The following CSMD1 variants were observed in gnomAD, a reference collection of about 807,000 sequenced individuals.
CSMD1 encodes the protein CUB and Sushi multiple domains 1, also known as CUB and sushi domain-containing protein 1.
Under a neutral mutation model 417.5 loss-of-function variants are expected in CSMD1, and 213 were observed. That is an observed-to-expected ratio of 0.51 (90% CI 0.46 to 0.57). The LOEUF (loss-of-function observed/expected upper bound fraction) is 0.57, where lower values mean the gene tolerates loss of function less well. CSMD1 is among the 20% of genes least tolerant of loss of function. CSMD1 has a pLI of 0.00. For missense variants in CSMD1, 6,923 were observed against 4,529.7 expected, an observed-to-expected ratio of 1.53 and a Z score of -15.17; for synonymous variants, 2,862 against 1,736.8, an observed-to-expected ratio of 1.65 and a Z score of -16.11.
chr8:4,853,785 C>G (rs890253576), intron 1 of CSMD1, among the ~76,000 whole-genome samples: 1 of 152,188 alleles, frequency 6.6e-6, no homozygotes, highest in South Asian at 2.1e-4. Context: ...AGCAGCCACA[C>G]TGCACCCCAC....
chr8:3,809,702 C>T (rs1800954278), intron 5 of CSMD1, among the ~76,000 whole-genome samples: 1 of 152,146 alleles, frequency 6.6e-6, no homozygotes, highest in Non-Finnish European at 1.5e-5. Context: ...CTTCCAGAGA[C>T]ACTGCCACGA....
chr8:4,441,867 G>C lies in CSMD1; in HGVS notation c.303-21802C>G, dbSNP rs76558115. The stretch of plus-strand genomic sequence containing the variant: ...ATGAACGAAAATTCCAGAAAGATTT[G>C]AGTTATTTTAAAGTATGCTGCTACA... On this transcript the variant is annotated intron_variant, in intron 2 of 69. Transcript: ENST00000635120. Among the ~76,000 whole-genome samples, 583 of 152,200 alleles carry C rather than the reference G, an allele frequency of 3.8e-3. 31 individuals carry two copies. In the East Asian group the frequency reaches 0.1, roughly 26 times the overall value.
rs1554526440 is a variant in CSMD1 at position 4,312,449 on chromosome 8, A to ACG, written c.415+107502_415+107503dup. ...CGTATATATATATGCGTATATATAT[A>ACG]CGTATATATATGCGCGTATATATAT... On this transcript the variant is annotated intron_variant, in intron 3 of 69. Transcript: ENST00000635120. 6.5e-4 allele frequency among the ~76,000 whole-genome samples: 74 copies of ACG among 114,168 alleles called. 2 individuals are homozygous for ACG. The highest frequency in any genetic ancestry group is 3.6e-3 in the African/African-American group (65 of 18,068). The allele number at this position is 114,168 out of a possible 152,430, so 74.9% of individuals were successfully genotyped here.
intron 26 of CSMD1, among the ~76,000 whole-genome samples, chr8:3,269,516 T>C (rs1393297535): frequency 6.6e-6 from 1 of 152,234 alleles, no homozygotes; most frequent in Non-Finnish European, 1.5e-5. Context: ...TATTAAGTTA[T>C]CTTTCAATAA....
chr8:3,551,592 ATATATTTTTT>A (rs1402496363), intron 10 of CSMD1, among the ~76,000 whole-genome samples: 1,296 of 117,180 alleles, frequency 0.011, 20 homozygotes, highest in African/African-American at 0.043. Flanking sequence ...ATATATATAT[ATATATTTTTT>A]TTTTTTTTTT....
intron 26 of CSMD1, among the ~76,000 whole-genome samples, chr8:3,237,504 A>T (rs1799221989): frequency 6.8e-6 from 1 of 148,062 alleles, no homozygotes; most frequent in Non-Finnish European, 1.5e-5. Flanking sequence ...ATAAAAGTAT[A>T]TAATATTTTT....
rs142700211 is a variant in CSMD1, at chr8:3,627,473, C to T, written c.1010-10676G>A. 2.1e-3 allele frequency among the ~76,000 whole-genome samples: 315 copies of T among 152,112 alleles called. 3 individuals carry two copies. Among genetic ancestry groups the T allele is most frequent in the African/African-American group, 7.1e-3 (294 of 41,480 alleles). ...GAAGACTATGTAGGTTATTTAAAGT[C>T]GTGCTATTATTTTTATTTATATAAC... On this transcript the variant is annotated intron_variant, in intron 7 of 69. Coordinates refer to ENST00000635120, the MANE Select transcript of CSMD1 (RefSeq NM_033225.6).
At chr8:4,869,897 T>G (rs1802636793) in intron 1 of CSMD1, among the ~76,000 whole-genome samples, 1 of 152,072 alleles carries the variant, frequency 6.6e-6, no homozygotes, top group Admixed American at 6.5e-5. Flanking sequence ...AATGTTAGAT[T>G]TAAGAATTTT....
At chr8:4,019,177 C>G (rs1003769515) in intron 4 of CSMD1, among the ~76,000 whole-genome samples, 1 of 152,174 alleles carries the variant, frequency 6.6e-6, no homozygotes. Flanking sequence ...AGCAGCTCAA[C>G]AGTCCAAGAC....
chr8:4,178,403 A>G (rs1467830366), intron 3 of CSMD1, among the ~76,000 whole-genome samples: 1 of 151,030 alleles, frequency 6.6e-6, no homozygotes, highest in Non-Finnish European at 1.5e-5. Context: ...AAAACTCTCA[A>G]TAAATTAGGT....
At chr8:4,274,462 G>C (rs1389033865) in intron 3 of CSMD1, among the ~76,000 whole-genome samples, 2 of 152,124 alleles carry the variant, frequency 1.3e-5, no homozygotes, top group African/African-American at 4.8e-5. Flanking sequence ...CGTCAGCACA[G>C]TCGTAATGGC....
At chr8:3,585,406 A>G (rs868772518) in intron 9 of CSMD1, among the ~76,000 whole-genome samples, 1 of 152,220 alleles carries the variant, frequency 6.6e-6, no homozygotes, top group Middle Eastern at 3.2e-3. Context: ...ACCAGTTTAC[A>G]TAAATCATTT....
At chr8:4,209,748 C>T (rs1479320254) in intron 3 of CSMD1, among the ~76,000 whole-genome samples, 2 of 152,194 alleles carry the variant, frequency 1.3e-5, no homozygotes, top group Non-Finnish European at 2.9e-5. Flanking sequence ...GCTCCTAGCA[C>T]AGCAGGACTA....
At chr8:4,797,456 C>A (rs959558109) in intron 1 of CSMD1, among the ~76,000 whole-genome samples, 1 of 152,134 alleles carries the variant, frequency 6.6e-6, no homozygotes, top group Non-Finnish European at 1.5e-5. Flanking sequence ...AAATATAGGT[C>A]ATGTTTTTAT....
chr8:3,296,725 G>C (rs1803997336), intron 25 of CSMD1, among the ~76,000 whole-genome samples: 1 of 152,184 alleles, frequency 6.6e-6, no homozygotes. Flanking sequence ...TGTGCGTGAG[G>C]TGAGGATGTG....
intron 3 of CSMD1, among the ~76,000 whole-genome samples, chr8:4,296,477 T>C (rs1270861915): frequency 1.3e-5 from 2 of 152,132 alleles, no homozygotes; most frequent in Non-Finnish European, 2.9e-5. Flanking sequence ...ATTTAAATAT[T>C]TTAAATAATT....
intron 1 of CSMD1, among the ~76,000 whole-genome samples, chr8:4,878,775 T>G (rs775833656): frequency 6.6e-6 from 1 of 151,160 alleles, no homozygotes; most frequent in African/African-American, 2.4e-5. Flanking sequence ...GGTTTTAAGA[T>G]TATAGTTTGA....
intron 2 of CSMD1, among the ~76,000 whole-genome samples, chr8:4,537,906 C>T (rs1046968822): frequency 1.3e-5 from 2 of 152,186 alleles, no homozygotes; most frequent in African/African-American, 4.8e-5. Context: ...TAGTTATTCT[C>T]TCTTTGTGAG....
chr8:4,577,677 A>G (rs778280045), intron 2 of CSMD1, among the ~76,000 whole-genome samples: 4 of 152,190 alleles, frequency 2.6e-5, no homozygotes, highest in Non-Finnish European at 5.9e-5. Context: ...CTGAATGCTA[A>G]GAGAGGACAA....
Sources: allele counts gnomAD v4.1 joint callset (sites outside exome capture counted in the v4.1 genomes callset), GRCh38; gene constraint gnomAD v4.1.1; transcripts MANE v1.5; gene names NCBI Gene and HGNC (gene_info 2026-07-23, HGNC 2026-07-21).